Variants in PDE7B observed in about 807,000 individuals in gnomAD.
The protein encoded by PDE7B is phosphodiesterase 7B.
PDE7B carries 29 observed loss-of-function variants against 56.2 expected under a neutral mutation model. The observed-to-expected ratio is 0.52, with a 90% CI of 0.38 to 0.70. The LOEUF is 0.70. Among genes scored for constraint, PDE7B ranks in the 30% least tolerant of loss-of-function variants. PDE7B has a pLI of 0.00. For missense variants in PDE7B, 490 were observed against 565.0 expected (o/e 0.87, Z 1.35); for synonymous variants, 197 against 196.9 (o/e 1.00, Z 0.00).
intron 3 of PDE7B, among the ~76,000 whole-genome samples, chr6:136,116,644 G>T (rs1490143710): frequency 6.6e-6 from 1 of 152,182 alleles, no homozygotes; most frequent in Non-Finnish European, 1.5e-5. Flanking sequence ...ATGAGTTAGG[G>T]GAAAGATGGT....
At chr6:135,889,419 C>T (rs9321543) in intron 1 of PDE7B, among the ~76,000 whole-genome samples, 25,623 of 150,152 alleles carry the variant, frequency 0.17, 4,057 homozygotes, top group African/African-American at 0.42. Flanking sequence ...TGTGAGCCAC[C>T]GCACCCGAAT....
intron 2 of PDE7B, among the ~76,000 whole-genome samples, chr6:136,019,120 C>T (rs892580576): frequency 6.6e-6 from 1 of 151,904 alleles, no homozygotes; most frequent in Non-Finnish European, 1.5e-5. Flanking sequence ...GTAAATACTG[C>T]AGAAATGCAA....
At chr6:136,129,604 T>C (rs953645807) in intron 3 of PDE7B, among the ~76,000 whole-genome samples, 1 of 152,194 alleles carries the variant, frequency 6.6e-6, no homozygotes, top group African/African-American at 2.4e-5. Flanking sequence ...AGCTGTAACT[T>C]CCTCATCTTT....
At chr6:135,918,938 C>T (rs1434845897) in intron 1 of PDE7B, among the ~76,000 whole-genome samples, 2 of 152,044 alleles carry the variant, frequency 1.3e-5, no homozygotes, top group African/African-American at 4.8e-5. Context: ...TGTTTATTTC[C>T]TCTGCGGTAT....
At chr6:135,883,837 T>C (rs1775653647) in intron 1 of PDE7B, among the ~76,000 whole-genome samples, 1 of 152,226 alleles carries the variant, frequency 6.6e-6, no homozygotes, top group South Asian at 2.1e-4. Flanking sequence ...CTCACTCTGA[T>C]GTACTCAGAT....
At chr6:136,168,765 C>T (rs1221281716) in intron 8 of PDE7B, among the ~76,000 whole-genome samples, 3 of 152,110 alleles carry the variant, frequency 2.0e-5, no homozygotes, top group Non-Finnish European at 4.4e-5. Context: ...CCTAAATCTA[C>T]TCAATCATTA....
intron 2 of PDE7B, among the ~76,000 whole-genome samples, chr6:135,999,831 A>G (rs772701808): frequency 1.3e-5 from 2 of 152,192 alleles, no homozygotes; most frequent in Non-Finnish European, 2.9e-5. Flanking sequence ...CCTTTGAGGA[A>G]TTGCCACAGT....
At chr6:135,994,169 A>C (rs1321247704) in intron 2 of PDE7B, among the ~76,000 whole-genome samples, 1 of 138,980 alleles carries the variant, frequency 7.2e-6, no homozygotes, top group African/African-American at 2.8e-5. Context: ...TGTGTGTTTT[A>C]TGTATATTAA....
At chr6:136,031,511 G>A (rs1355929708) in intron 2 of PDE7B, among the ~76,000 whole-genome samples, 2 of 151,892 alleles carry the variant, frequency 1.3e-5, no homozygotes, top group African/African-American at 2.4e-5. Flanking sequence ...AGGCCGAGGC[G>A]GGCGGATCAC....
intron 2 of PDE7B, among the ~76,000 whole-genome samples, chr6:136,021,487 A>G (rs1421703540): frequency 6.6e-6 from 1 of 152,118 alleles, no homozygotes; most frequent in Admixed American, 6.5e-5. Context: ...TCTACTAAAA[A>G]TACAAAACTG....
At chr6:135,996,094 T>C (rs941289486) in intron 2 of PDE7B, among the ~76,000 whole-genome samples, 5 of 152,180 alleles carry the variant, frequency 3.3e-5, no homozygotes, top group African/African-American at 1.2e-4. Context: ...TGGTGATACA[T>C]GCCTAGACAC....
At chr6:136,172,337 G>C (rs1408408151) in intron 8 of PDE7B, among the ~76,000 whole-genome samples, 4 of 152,126 alleles carry the variant, frequency 2.6e-5, no homozygotes, top group Non-Finnish European at 5.9e-5. Flanking sequence ...ATTCTAACTG[G>C]TGTGAGATGG....
chr6:135,958,439 G>C (rs779435937), intron 2 of PDE7B, among the ~76,000 whole-genome samples: 1 of 152,050 alleles, frequency 6.6e-6, no homozygotes, highest in Non-Finnish European at 1.5e-5. Context: ...TCTATTGGAA[G>C]GAGTATAGAT....
intron 8 of PDE7B, among the ~76,000 whole-genome samples, chr6:136,168,676 T>C (rs1344689702): frequency 1.3e-5 from 2 of 152,138 alleles, no homozygotes; most frequent in Non-Finnish European, 2.9e-5. Flanking sequence ...AGTGACACTA[T>C]GTAGGAAAAA....
chr6:135,887,234 G>A (rs1775725715), intron 1 of PDE7B, among the ~76,000 whole-genome samples: 1 of 151,986 alleles, frequency 6.6e-6, no homozygotes, highest in African/African-American at 2.4e-5. Context: ...TTGCTGATTT[G>A]TTTGAGTTCC....
chr6:135,923,476 T>A (rs1472590167), intron 1 of PDE7B, among the ~76,000 whole-genome samples: 2 of 152,200 alleles, frequency 1.3e-5, no homozygotes, highest in African/African-American at 4.8e-5. Flanking sequence ...TAGTATATGA[T>A]TAGTAAAGCT....
At chr6:135,934,862 T>A (rs1165356821) in intron 1 of PDE7B, among the ~76,000 whole-genome samples, 192 of 107,450 alleles carry the variant, frequency 1.8e-3, no homozygotes, top group Middle Eastern at 4.4e-3. Context: ...TAAATATATA[T>A]AAAAATATAT....
At chr6:136,103,462 TAAAC>T (rs1176760217) in intron 2 of PDE7B, among the ~76,000 whole-genome samples, 1 of 152,202 alleles carries the variant, frequency 6.6e-6, no homozygotes, top group African/African-American at 2.4e-5. Flanking sequence ...TCAGCTGAAA[TAAAC>T]AAAGCTTCTA....
intron 1 of PDE7B, among the ~76,000 whole-genome samples, chr6:135,922,602 A>G (rs771955471): frequency 7.2e-5 from 11 of 152,188 alleles, no homozygotes; most frequent in East Asian, 1.9e-4. Flanking sequence ...GAGTTACAAG[A>G]CTTCTTTAAT....
Sources: gnomAD v4.1 joint callset for allele counts (sites outside exome capture counted in the v4.1 genomes callset) on GRCh38, gnomAD v4.1.1 for gene constraint, MANE v1.5 for transcripts, NCBI Gene and HGNC (gene_info 2026-07-23, HGNC 2026-07-21) for gene names.